The following NEBL variants were observed in gnomAD, a reference collection of about 807,000 sequenced individuals.
NEBL encodes the protein nebulette, also known as LIM and SH3 protein 2.
Under a neutral mutation model 140.2 loss-of-function variants are expected in NEBL, and 122 were observed. The ratio of observed to expected loss-of-function variants is 0.87; its 90% CI spans 0.75 to 1.01. NEBL has a LOEUF of 1.01. NEBL is among the 50% of genes least tolerant of loss of function. The probability of loss-of-function intolerance (pLI) is 0.00; values close to 1 mark genes in which losing one functional copy is unlikely to be tolerated. For missense variants in NEBL, 1,365 were observed against 1,231.3 expected, an observed-to-expected ratio of 1.11 and a Z score of -1.62; for synonymous variants, 436 against 398.9, an observed-to-expected ratio of 1.09 and a Z score of -1.11.
chr10:20,803,492 T>G (rs377050977), intron 26 of NEBL, among the ~76,000 whole-genome samples: 7 of 152,186 alleles, frequency 4.6e-5, no homozygotes, highest in East Asian at 1.9e-4. Flanking sequence ...AACTACATTT[T>G]GTTTTTAAAA....
intron 17 of NEBL, among the ~76,000 whole-genome samples, chr10:20,828,118 A>C (rs1308079216): frequency 2.0e-5 from 3 of 152,150 alleles, no homozygotes; most frequent in Non-Finnish European, 4.4e-5. Flanking sequence ...CTTCCTCAAA[A>C]TAAAAATATA....
chr10:21,144,938 T>G (rs1174069003), intron 2 of NEBL, among the ~76,000 whole-genome samples: 1 of 131,464 alleles, frequency 7.6e-6, no homozygotes, highest in African/African-American at 3.0e-5. Flanking sequence ...TTCAAGTATA[T>G]AAAAAGCCCC....
In NEBL at chr10:21,014,894, G is replaced by A. The variant is rs142064954; in HGVS notation, c.249+5223C>T. Among the ~76,000 whole-genome samples the A allele has an allele frequency of 2.4e-4, 37 of 152,218 alleles. No individual in the cohort carries two copies. In the East Asian group the frequency reaches 3.9e-3, roughly 16 times the overall value. On this transcript the variant is annotated intron_variant, in intron 3 of 6. Transcript: ENST00000417816. ...ATTTATCGTACTTCCTATGAACCACGTTTTCATGCCTCTGCAGAAACCTGG... is the reference window on the plus strand; with the variant it reads ...ATTTATCGTACTTCCTATGAACCACATTTTCATGCCTCTGCAGAAACCTGG...
intron 26 of NEBL, among the ~76,000 whole-genome samples, chr10:20,801,863 G>A (rs1202161139): frequency 6.6e-6 from 1 of 152,144 alleles, no homozygotes; most frequent in Non-Finnish European, 1.5e-5. Flanking sequence ...CCTGGCTAGG[G>A]TGGGTTAAAC....
At chr10:21,275,241 G>GA (rs1842905758) in intron 1 of NEBL, among the ~76,000 whole-genome samples, 2 of 152,180 alleles carry the variant, frequency 1.3e-5, no homozygotes, top group Admixed American at 1.3e-4. Context: ...ATAAGCTAAT[G>GA]AATGTGTGCT....
chr10:21,024,261 T>G (rs1464586337), intron 2 of NEBL, among the ~76,000 whole-genome samples: 1 of 152,114 alleles, frequency 6.6e-6, no homozygotes, highest in African/African-American at 2.4e-5. Flanking sequence ...TTTTTAATAG[T>G]GGGTTAATCA....
chr10:21,211,281 C>A (rs565483293), intron 3 of NEBL, among the ~76,000 whole-genome samples: 2 of 152,094 alleles, frequency 1.3e-5, no homozygotes, highest in South Asian at 4.2e-4. Context: ...GAGCTTGAGA[C>A]TAGCCTGGGC....
intron 4 of NEBL, among the ~76,000 whole-genome samples, chr10:20,902,996 C>T (rs1346655542): frequency 2.0e-5 from 3 of 152,124 alleles, no homozygotes; most frequent in Non-Finnish European, 4.4e-5. Context: ...TTCACGATTC[C>T]ATAAACTGTT....
At chr10:21,175,325 G>A (rs942094875), upstream of NEBL, among the ~76,000 whole-genome samples, 1 of 152,208 alleles carries the variant, frequency 6.6e-6, no homozygotes, top group South Asian at 2.1e-4. Flanking sequence ...TGAGTCAGCA[G>A]TTCCGAACTG....
At chr10:21,098,719 T>C (rs1408152449) in intron 2 of NEBL, among the ~76,000 whole-genome samples, 1 of 152,220 alleles carries the variant, frequency 6.6e-6, no homozygotes, top group Non-Finnish European at 1.5e-5. Context: ...ATAAGCTGAA[T>C]GTATATAGAA....
intron 6 of NEBL, 56 bp from the exon 7 acceptor site, chr10:20,868,821 C>T: frequency 8.8e-7 from 1 of 1,130,040 alleles, no homozygotes; most frequent in Non-Finnish European, 1.3e-6. Flanking sequence ...TGATGAACTA[C>T]ATTGACATTA....
intron 4 of NEBL, among the ~76,000 whole-genome samples, chr10:20,919,467 C>T (rs1282401527): frequency 1.3e-5 from 2 of 152,110 alleles, no homozygotes; most frequent in Admixed American, 6.5e-5. Flanking sequence ...TACTTTTAAT[C>T]CATTTTATAA....
intron 2 of NEBL, among the ~76,000 whole-genome samples, chr10:21,146,008 CT>C (rs1376811374): frequency 6.6e-6 from 1 of 152,138 alleles, no homozygotes; most frequent in African/African-American, 2.4e-5. Context: ...CTCCTCGCCC[CT>C]GGAACAAAAT....
intron 4 of NEBL, among the ~76,000 whole-genome samples, chr10:20,910,467 T>A (rs1322826938): frequency 6.6e-6 from 1 of 152,160 alleles, no homozygotes; most frequent in East Asian, 1.9e-4. Flanking sequence ...GGCCTGGCAG[T>A]AACACTACAA....
intron 4 of NEBL, among the ~76,000 whole-genome samples, chr10:20,955,089 G>A (rs1399098534): frequency 6.6e-6 from 1 of 152,210 alleles, no homozygotes; most frequent in Non-Finnish European, 1.5e-5. Context: ...AAGGAGAATA[G>A]CCCAAGTCAA....
At chr10:20,961,117 C>G (rs1360049073) in intron 4 of NEBL, among the ~76,000 whole-genome samples, 1 of 152,098 alleles carries the variant, frequency 6.6e-6, no homozygotes, top group Non-Finnish European at 1.5e-5. Flanking sequence ...TGAATTAATA[C>G]CTCCCTAATA....
At chr10:21,019,587 G>A (rs1838695741) in intron 3 of NEBL, among the ~76,000 whole-genome samples, 1 of 152,266 alleles carries the variant, frequency 6.6e-6, no homozygotes, top group African/African-American at 2.4e-5. Flanking sequence ...TTGAAGGCAA[G>A]TTGCCATCTA....
intron 3 of NEBL, among the ~76,000 whole-genome samples, chr10:20,996,984 A>G (rs1837692377): frequency 6.6e-6 from 1 of 152,100 alleles, no homozygotes; most frequent in South Asian, 2.1e-4. Context: ...CATCATACAT[A>G]ATCTATAAAA....
intron 3 of NEBL, among the ~76,000 whole-genome samples, chr10:21,230,379 A>C (rs770279176): frequency 1.4e-4 from 22 of 152,272 alleles, no homozygotes; most frequent in Non-Finnish European, 3.1e-4. Flanking sequence ...ACATGGGAGA[A>C]AGTAACTGCT....
Sources: gnomAD v4.1 joint callset for allele counts (sites outside exome capture counted in the v4.1 genomes callset) on GRCh38, gnomAD v4.1.1 for gene constraint, MANE v1.5 for transcripts, NCBI Gene and HGNC (gene_info 2026-07-23, HGNC 2026-07-21) for gene names.